The following DZIP3 variants were observed in gnomAD, a reference collection of about 807,000 sequenced individuals.
The protein encoded by DZIP3 is DAZ interacting zinc finger protein 3.
In DZIP3, 118 loss-of-function variants were observed where a neutral mutation model predicts 162.0. The observed-to-expected ratio is 0.73, with a 90% CI of 0.63 to 0.85. The LOEUF is 0.85. Among genes scored for constraint, DZIP3 ranks in the 40% least tolerant of loss-of-function variants. DZIP3 has a pLI of 0.00. For synonymous variants in DZIP3, 438 were observed against 458.6 expected (o/e 0.96, Z 0.57); for missense variants, 1,331 against 1,407.0 (o/e 0.95, Z 0.86).
intron 19 of DZIP3, among the ~76,000 whole-genome samples, chr3:108,660,248 G>A (rs914619498): frequency 6.6e-6 from 1 of 152,166 alleles, no homozygotes; most frequent in Non-Finnish European, 1.5e-5. Context: ...ATACTACAAG[G>A]CTACAGTAAC....
chr3:108,637,918 CTG>C (rs1468535903), intron 12 of DZIP3, among the ~76,000 whole-genome samples: 3 of 152,158 alleles, frequency 2.0e-5, no homozygotes, highest in Admixed American at 2.0e-4. Flanking sequence ...CATGAGAAAA[CTG>C]TATTGCAGAG....
chr3:108,642,457 C>T lies in DZIP3; in HGVS notation c.1084C>T (p.Leu362=), dbSNP rs1319233928. Residue 362 remains leucine (L), a synonymous_variant, in exon 13 of 33, where the codon CTG becomes TTG. Transcript: ENST00000361582. ...LGASYRKLIS[L]KITDTDIRPK... is the part of the protein sequence containing the mutation. Reference sequence around the variant, plus strand: ...TTGCAGTTATAGAAAGTTGATATCTCTGAAAATAACTGATACTGATATAAG... The same window carrying T: ...TTGCAGTTATAGAAAGTTGATATCTTTGAAAATAACTGATACTGATATAAG... 4 of 1,482,424 alleles carry T rather than the reference C, an allele frequency of 2.7e-6. No individual in the cohort carries two copies. Among genetic ancestry groups the T allele is most frequent in the Non-Finnish European group, 3.7e-6 (4 of 1,094,898 alleles). The allele number at this position is 1,482,424 out of a possible 1,614,324, so 91.8% of individuals were successfully genotyped here.
intron 6 of DZIP3, among the ~76,000 whole-genome samples, chr3:108,625,357 T>C (rs1462999700): frequency 2.6e-5 from 4 of 152,218 alleles, no homozygotes; most frequent in African/African-American, 9.6e-5. Flanking sequence ...GGAAGAATGA[T>C]AAAGAATTGT....
intron 25 of DZIP3, 103 bp downstream of exon 25, chr3:108,675,976 AT>A: frequency 9.6e-7 from 1 of 1,043,322 alleles, no homozygotes; most frequent in Non-Finnish European, 1.4e-6. Flanking sequence ...CATATTTTCC[AT>A]TTTAGTTATA....
chr3:108,686,250 A>T (rs1222056099), intron 27 of DZIP3, among the ~76,000 whole-genome samples, 195 bp from the exon 28 acceptor site: 2 of 152,232 alleles, frequency 1.3e-5, no homozygotes, highest in Non-Finnish European at 2.9e-5. Context: ...ATTCTTCTTC[A>T]TTCTACCCTT....
chr3:108,611,367 C>T (rs1940698598), intron 4 of DZIP3, 38 bp downstream of exon 4: 2 of 1,605,346 alleles, frequency 1.2e-6, no homozygotes, highest in African/African-American at 1.3e-5. Context: ...AGAAGTGCAG[C>T]TGTCTGTATA....
intron 8 of DZIP3, among the ~76,000 whole-genome samples, chr3:108,629,519 A>T (rs1240323516): frequency 6.6e-6 from 1 of 152,172 alleles, no homozygotes; most frequent in Non-Finnish European, 1.5e-5. Flanking sequence ...TTCAGAAAAC[A>T]TGGAAAATAT....
At chr3:108,598,172 A>G (rs550598032) in intron 1 of DZIP3, among the ~76,000 whole-genome samples, 5 of 152,308 alleles carry the variant, frequency 3.3e-5, no homozygotes, top group African/African-American at 1.2e-4. Context: ...GCTCATAATT[A>G]TACACTAAGC....
At chr3:108,681,730 C>T (rs1185441620) in intron 26 of DZIP3, among the ~76,000 whole-genome samples, 1 of 151,360 alleles carries the variant, frequency 6.6e-6, no homozygotes, top group Non-Finnish European at 1.5e-5. Context: ...CAAATATACA[C>T]CATGGAATAC....
Position 108,684,200 on chromosome 3 carries a change from A to G in DZIP3, c.2884-16A>G, listed in dbSNP as rs751163495. ...GGGGGGGTGTTGTTTATTATTGTTTATATTTTCTATTTTAGATGCAGCAGT... is the reference window on the plus strand; with the variant it reads ...GGGGGGGTGTTGTTTATTATTGTTTGTATTTTCTATTTTAGATGCAGCAGT... On this transcript the variant is annotated splice_polypyrimidine_tract_variant and intron_variant, in intron 26 of 32. Transcript: ENST00000361582. The G allele has an allele frequency of 1.3e-6, 2 of 1,596,082 alleles. No individual in the cohort carries two copies. The highest frequency in any genetic ancestry group is 2.3e-5 in the South Asian group (2 of 87,806).
chr3:108,682,282 A>C lies in DZIP3; in HGVS notation c.2884-1934A>C, dbSNP rs942228156. On this transcript the variant is annotated intron_variant, in intron 26 of 32. Coordinates refer to ENST00000361582, the MANE Select transcript of DZIP3 (RefSeq NM_014648.4). Reference sequence around the variant, plus strand: ...CAATCCTACTACTAGGTATAGTGGGAAAGGACATGAAGTCAAGTATCCTGA... The same window carrying C: ...CAATCCTACTACTAGGTATAGTGGGCAAGGACATGAAGTCAAGTATCCTGA... 1.3e-5 allele frequency among the ~76,000 whole-genome samples: 2 copies of C among 150,928 alleles called. 1 individual carries two copies. The highest frequency in any genetic ancestry group is 5.0e-5 in the African/African-American group (2 of 40,260).
At chr3:108,635,595 A>G (rs1240026635) in intron 10 of DZIP3, among the ~76,000 whole-genome samples, 1 of 145,822 alleles carries the variant, frequency 6.9e-6, no homozygotes, top group East Asian at 1.9e-4. Context: ...ATAACTAACT[A>G]CATAATTATA....
intron 32 of DZIP3, among the ~76,000 whole-genome samples, chr3:108,692,098 T>C (rs1944719985): frequency 6.6e-6 from 1 of 152,124 alleles, no homozygotes; most frequent in South Asian, 2.1e-4. Flanking sequence ...ATAACAAAAG[T>C]TGGTAGAGGA....
rs1325834059 is a variant in DZIP3 at position 108,644,424 on chromosome 3, T to C, written c.1402T>C (p.Cys468Arg). 3.7e-6 allele frequency: 6 copies of C among 1,613,994 alleles called. No individual in the cohort carries two copies. In the African/African-American group the frequency reaches 4.0e-5, roughly 11 times the overall value. Residue 468 changes from cysteine (C) to arginine (R), a missense_variant, in exon 14 of 33, where the codon TGC becomes CGC. Cys to Arg is a radical substitution (Grantham distance 180, BLOSUM62 -3). Transcript: ENST00000361582. Reference protein sequence around the residue: ...ELPQSKQFDLCLLLALIKHLN... With the variant: ...ELPQSKQFDLRLLLALIKHLN... ...ACCGCAATCCAAACAGTTTGACTTA[T>C]GCCTCCTGTTAGCTCTTATAAAACA...
chr3:108,654,469 A>G, intron 19 of DZIP3, 159 bp downstream of exon 19: 1 of 755,730 alleles, frequency 1.3e-6, no homozygotes, highest in Non-Finnish European at 2.1e-6. Context: ...TATGAAGGAA[A>G]ATAGAATAAG....
intron 32 of DZIP3, 82 bp downstream of exon 32, chr3:108,690,985 C>T (rs1300088766): frequency 8.9e-7 from 1 of 1,128,850 alleles, no homozygotes; most frequent in Non-Finnish European, 1.3e-6. Flanking sequence ...ATGTGCTCTT[C>T]AATATAGTGC....
At chr3:108,686,684 CA>C (rs1944511453) in intron 28 of DZIP3, 100 bp downstream of exon 28, 5 of 1,313,756 alleles carry the variant, frequency 3.8e-6, no homozygotes, top group South Asian at 4.6e-5. Context: ...ATAACAAACA[CA>C]AAAAAAGTAC....
At chr3:108,615,153 C>A (rs1176700978) in intron 4 of DZIP3, among the ~76,000 whole-genome samples, 2 of 152,178 alleles carry the variant, frequency 1.3e-5, no homozygotes, top group African/African-American at 4.8e-5. Flanking sequence ...CTCCAAAAGT[C>A]AGTCAAAAGT....
intron 1 of DZIP3, among the ~76,000 whole-genome samples, chr3:108,595,716 A>G (rs1576335878): frequency 6.6e-6 from 1 of 152,334 alleles, no homozygotes; most frequent in Admixed American, 6.5e-5. Flanking sequence ...TATAATCTCT[A>G]GTAACCAGGG....
Sources: allele counts gnomAD v4.1 joint callset (sites outside exome capture counted in the v4.1 genomes callset), GRCh38; gene constraint gnomAD v4.1.1; transcripts MANE v1.5; gene names NCBI Gene and HGNC (gene_info 2026-07-23, HGNC 2026-07-21).